Variants in RHOA observed in about 807,000 individuals in gnomAD.
RHOA encodes transforming protein RhoA.
Under a neutral mutation model 17.5 loss-of-function variants are expected in RHOA, and 3 were observed. That is an observed-to-expected ratio of 0.17 (90% CI 0.08 to 0.44). The LOEUF (loss-of-function observed/expected upper bound fraction) is 0.44, where lower values mean the gene tolerates loss of function less well. RHOA is among the 20% of genes least tolerant of loss of function. The pLI is 0.99. For missense variants in RHOA, 56 were observed against 242.3 expected (o/e 0.23, Z 5.10); for synonymous variants, 98 against 88.4 (o/e 1.11, Z -0.61).
intron 2 of RHOA, among the ~76,000 whole-genome samples, chr3:49,374,521 C>G (rs1386361421): frequency 6.6e-6 from 1 of 151,974 alleles, no homozygotes; most frequent in African/African-American, 2.4e-5. Flanking sequence ...GAGCTTGAGA[C>G]CAGCCTGGCC....
intron 1 of RHOA, among the ~76,000 whole-genome samples, chr3:49,377,648 C>T (rs1289484231): frequency 6.6e-6 from 1 of 150,590 alleles, no homozygotes; most frequent in African/African-American, 2.4e-5. Context: ...GTAGCATGCA[C>T]CTGTAGTCCC....
chr3:49,374,294 G>A (rs2048190002), intron 2 of RHOA, among the ~76,000 whole-genome samples: 1 of 152,188 alleles, frequency 6.6e-6, no homozygotes, highest in Admixed American at 6.6e-5. Flanking sequence ...GCTTGAACTA[G>A]TAATCTAATA....
At chr3:49,362,039 T>G (rs889154957) in intron 4 of RHOA, among the ~76,000 whole-genome samples, 1 of 150,716 alleles carries the variant, frequency 6.6e-6, no homozygotes, top group African/African-American at 2.4e-5. Flanking sequence ...AAAAAAAAAT[T>G]AGCCGGTCAT....
chr3:49,364,130 G>A (rs1008179668), intron 3 of RHOA, among the ~76,000 whole-genome samples: 6 of 151,304 alleles, frequency 4.0e-5, no homozygotes, highest in African/African-American at 7.3e-5. Flanking sequence ...CAGGTGGATC[G>A]CGTTAGGTCA....
chr3:49,387,979 A>G (rs1168053831), intron 1 of RHOA, among the ~76,000 whole-genome samples: 2 of 151,364 alleles, frequency 1.3e-5, no homozygotes, highest in East Asian at 3.9e-4. Context: ...CTCATTACAG[A>G]TGATGTCAAG....
rs545627512 is a variant in RHOA, at chr3:49,405,904, C to T, written c.-3+5916G>A. On this transcript the variant is annotated intron_variant, in intron 1 of 4. Coordinates refer to ENST00000418115, the MANE Select transcript of RHOA (RefSeq NM_001664.4). ...TTCACCATGTTGGTCAGACTGGTTT[C>T]GAACTCCTGACCTCAGGTGACCCAC... Among the ~76,000 whole-genome samples the T allele has an allele frequency of 3.0e-4, 45 of 152,220 alleles. 1 individual carries two copies. The highest frequency in any genetic ancestry group is 2.1e-4 in the Non-Finnish European group (14 of 68,022).
chr3:49,367,950 C>T (rs1003518312), intron 3 of RHOA, among the ~76,000 whole-genome samples: 11 of 151,656 alleles, frequency 7.3e-5, no homozygotes, highest in Non-Finnish European at 1.3e-4. Context: ...TGCTCTGTTG[C>T]TCAGTCTGGA....
intron 1 of RHOA, among the ~76,000 whole-genome samples, chr3:49,399,844 G>T (rs1575281455): frequency 6.6e-6 from 1 of 152,146 alleles, no homozygotes; most frequent in East Asian, 1.9e-4. Flanking sequence ...GACTTTAAAA[G>T]ATTTATATAG....
chr3:49,364,433 C>T lies in RHOA; in HGVS notation c.278-1807G>A, dbSNP rs188571794. 3.5e-3 allele frequency among the ~76,000 whole-genome samples: 534 copies of T among 151,942 alleles called. 2 individuals carry two copies. Among genetic ancestry groups the T allele is most frequent in the African/African-American group, 0.012 (509 of 41,450 alleles). The stretch of plus-strand genomic sequence containing the variant: ...CCGGGAGGCGGAAGTTGCAGTGAGC[C>T]GAGATCGTGCCATTGCACTCCAGCC... On this transcript the variant is annotated intron_variant, in intron 3 of 4. Transcript: ENST00000418115.
chr3:49,363,276 C>T lies in RHOA; in HGVS notation c.278-650G>A, dbSNP rs373346530. Among the ~76,000 whole-genome samples, 26 of 152,040 alleles carry T rather than the reference C, an allele frequency of 1.7e-4. No homozygotes were observed. The East Asian group carries it at 2.7e-3, about 16-fold the overall frequency. On this transcript the variant is annotated intron_variant, in intron 3 of 4. Coordinates refer to ENST00000418115, the MANE Select transcript of RHOA (RefSeq NM_001664.4). ...TACTAAAAATACAAAAAAAATTAGC[C>T]GGGTGTAGTGGTGGGCACCTGTAGT...
chr3:49,400,220 A>AC (rs2048700152), intron 1 of RHOA, among the ~76,000 whole-genome samples: 2 of 9,818 alleles, frequency 2.0e-4, no homozygotes, highest in African/African-American at 2.4e-4. Context: ...TCAAAAAAAA[A>AC]AAAAAACAAA....
chr3:49,376,360 T>C (rs2048226754), intron 1 of RHOA, among the ~76,000 whole-genome samples: 1 of 151,696 alleles, frequency 6.6e-6, no homozygotes, highest in Non-Finnish European at 1.5e-5. Context: ...AAAAATCAAT[T>C]GAGCCAGGCG....
chr3:49,384,934 G>T (rs1256843787), intron 1 of RHOA, among the ~76,000 whole-genome samples: 1 of 151,754 alleles, frequency 6.6e-6, no homozygotes, highest in African/African-American at 2.4e-5. Context: ...GTGGTGGCAG[G>T]CACCTGTAAT....
rs57354041 is a variant in RHOA at position 49,401,041 on chromosome 3, C to CAAAAA, written c.-3+10774_-3+10778dup. ...AGCCTGGGCGACAGAGACTCCGTCT[C>CAAAAA]AAAAAAAAAAAAAAAAAAAAGAGTT... On this transcript the variant is annotated intron_variant, in intron 1 of 4. Transcript: ENST00000418115. Among the ~76,000 whole-genome samples the CAAAAA allele has an allele frequency of 1.9e-4, 13 of 67,580 alleles. 1 individual carries two copies. Among genetic ancestry groups the CAAAAA allele is most frequent in the African/African-American group, 2.7e-4 (5 of 18,616 alleles). 44.3% of individuals were successfully genotyped at this position (67,580 alleles called of 152,430 possible).
chr3:49,363,785 G>A (rs1161578206), intron 3 of RHOA, among the ~76,000 whole-genome samples: 3 of 152,060 alleles, frequency 2.0e-5, no homozygotes, highest in African/African-American at 7.2e-5. Flanking sequence ...CCAGGAGGTG[G>A]AGGTTGTGAT....
At chr3:49,408,341 C>T (rs2048875063) in intron 1 of RHOA, among the ~76,000 whole-genome samples, 1 of 151,514 alleles carries the variant, frequency 6.6e-6, no homozygotes, top group East Asian at 1.9e-4. Flanking sequence ...TACTCATCCT[C>T]TTCAAAAAAT....
intron 1 of RHOA, among the ~76,000 whole-genome samples, chr3:49,390,228 G>C (rs769202269): frequency 9.9e-5 from 15 of 151,744 alleles, no homozygotes; most frequent in Non-Finnish European, 2.1e-4. Context: ...TCCACCTCCC[G>C]GGTTCAAGCG....
chr3:49,375,968 A>T (rs984896185), intron 1 of RHOA, among the ~76,000 whole-genome samples: 10 of 151,380 alleles, frequency 6.6e-5, no homozygotes, highest in Non-Finnish European at 1.2e-4. Flanking sequence ...CCTGCCTCAG[A>T]CTCCCAAGTA....
At chr3:49,369,010 T>C (rs2048106197) in intron 2 of RHOA, among the ~76,000 whole-genome samples, 1 of 34,042 alleles carries the variant, frequency 2.9e-5, no homozygotes, top group Non-Finnish European at 6.2e-5. Flanking sequence ...CCTGGCCTTT[T>C]TTTTTTTTTT....
Sources: gnomAD v4.1 joint callset for allele counts (sites outside exome capture counted in the v4.1 genomes callset) on GRCh38, gnomAD v4.1.1 for gene constraint, MANE v1.5 for transcripts, NCBI Gene and HGNC (gene_info 2026-07-23, HGNC 2026-07-21) for gene names.